Variants in TRMT5 observed in about 807,000 individuals in gnomAD.
TRMT5 encodes the protein tRNA (guanine(37)-N(1))-methyltransferase.
In TRMT5, 31 loss-of-function variants were observed where a neutral mutation model predicts 42.2. The observed-to-expected ratio is 0.73, with a 90% CI of 0.55 to 0.99. The LOEUF (loss-of-function observed/expected upper bound fraction) is 0.99, where lower values mean the gene tolerates loss of function less well. Among genes scored for constraint, TRMT5 ranks in the 50% least tolerant of loss-of-function variants. The pLI is 0.00. For synonymous variants in TRMT5, 198 were observed against 209.6 expected (o/e 0.94, Z 0.48); for missense variants, 568 against 595.0 (o/e 0.95, Z 0.47).
intron 2 of TRMT5, 36 bp downstream of exon 2, chr14:60,979,195 C>T: frequency 6.7e-7 from 1 of 1,501,448 alleles, no homozygotes; most frequent in Non-Finnish European, 8.9e-7. Context: ...TTGCAAATTC[C>T]CTTCAAATAC....
Position 60,981,015 on chromosome 14 carries a change from A to AC in TRMT5, c.-43dup, listed in dbSNP as rs2036966988. On this transcript the variant is annotated 5_prime_UTR_variant, in exon 1 of 5. Transcript: ENST00000261249. ...GCTCTGCAGCTGGATCCGCGAGCCG[A>AC]CCCCTCACCTCCCGCTCCGGTACCG... 6.2e-7 allele frequency: 1 copy of AC among 1,611,026 alleles called. No individual in the cohort carries two copies.
intron 4 of TRMT5, 30 bp from the exon 5 acceptor site, chr14:60,975,224 GTAAGATATTA>G (rs2036827678): frequency 6.4e-7 from 1 of 1,561,672 alleles, no homozygotes; most frequent in Non-Finnish European, 8.7e-7. Context: ...CCTATTTTAG[GTAAGATATTA>G]ACAGTTGAAA....
rs1278368048 is a variant in TRMT5, at chr14:60,971,750, T to C, written c.*3359A>G. 4 of 160,942 alleles carry C rather than the reference T, an allele frequency of 2.5e-5. No individual in the cohort carries two copies. Among genetic ancestry groups the C allele is most frequent in the African/African-American group, 7.2e-5 (3 of 41,510 alleles). The allele number at this position is 160,942 out of a possible 1,614,324, so 10.0% of individuals were successfully genotyped here. On this transcript the variant is annotated 3_prime_UTR_variant, in exon 5 of 5. Coordinates refer to ENST00000261249, the MANE Select transcript of TRMT5 (RefSeq NM_020810.3). ...AGAATTTATCCGAAGATCCATAATC[T>C]AGAAATGGAACCACTGCTCTTTTGA...
At position 60,972,542 on chromosome 14, in the gene TRMT5, G is replaced by A. The variant is rs967488524; in HGVS notation, c.*2567C>T. On this transcript the variant is annotated 3_prime_UTR_variant, in exon 5 of 5. Coordinates refer to ENST00000261249, the MANE Select transcript of TRMT5 (RefSeq NM_020810.3). ...CGCGCGGGCTTTGGTCGGTCCAGGG[G>A]TCGTTCTTGCCTCTTCTCCTTCACA... is the stretch of plus-strand genomic sequence containing the variant. The A allele has an allele frequency of 7.2e-6, 3 of 417,208 alleles. No homozygotes were observed. Among genetic ancestry groups the A allele is most frequent in the Non-Finnish European group, 1.4e-5 (3 of 214,308 alleles). 25.8% of individuals were successfully genotyped at this position (417,208 alleles called of 1,614,324 possible). A position where few individuals can be genotyped will look rare whatever the true frequency, so the allele number is the denominator to read the frequency against.
intron 3 of TRMT5, among the ~76,000 whole-genome samples, chr14:60,976,960 A>C (rs565569606): frequency 2.0e-5 from 3 of 152,302 alleles, no homozygotes; most frequent in African/African-American, 7.2e-5. Flanking sequence ...AAAGTTCATA[A>C]GTTCTATAAA....
chr14:60,980,998 G>A lies in TRMT5; in HGVS notation c.-25C>T, dbSNP rs2036965280. On this transcript the variant is annotated 5_prime_UTR_variant, in exon 1 of 5. Coordinates refer to ENST00000261249, the MANE Select transcript of TRMT5 (RefSeq NM_020810.3). ...TTCCAATTCCCCACGTCGCTCTGCA[G>A]CTGGATCCGCGAGCCGACCCCTCAC... is the stretch of plus-strand genomic sequence containing the variant. 1.2e-6 allele frequency: 2 copies of A among 1,610,438 alleles called. No individual in the cohort carries two copies. Among genetic ancestry groups the A allele is most frequent in the African/African-American group, 1.3e-5 (1 of 75,048 alleles).
chr14:60,981,031 T>C lies in TRMT5; in HGVS notation c.-58A>G. 3 of 1,610,428 alleles carry C rather than the reference T, an allele frequency of 1.9e-6. No individual in the cohort carries two copies. The highest frequency in any genetic ancestry group is 1.7e-6 in the Non-Finnish European group (2 of 1,180,008). On this transcript the variant is annotated 5_prime_UTR_variant, in exon 1 of 5. Coordinates refer to ENST00000261249, the MANE Select transcript of TRMT5 (RefSeq NM_020810.3). ...CGCGAGCCGACCCCTCACCTCCCGC[T>C]CCGGTACCGATCGGATGTGGGTCGC...
intron 2 of TRMT5, 63 bp from the exon 3 acceptor site, chr14:60,977,701 T>A (rs925135889): frequency 6.8e-7 from 1 of 1,464,196 alleles, no homozygotes; most frequent in Admixed American, 2.2e-5. Flanking sequence ...GCTAACATTG[T>A]TAATATGAAA....
chr14:60,978,782 G>T (rs1346692040), intron 2 of TRMT5, among the ~76,000 whole-genome samples: 2 of 152,164 alleles, frequency 1.3e-5, no homozygotes, highest in Non-Finnish European at 2.9e-5. Flanking sequence ...AAAGAAATGT[G>T]TAACAGGACA....
chr14:60,981,394 G>T (rs750685149), upstream of TRMT5: 1 of 1,580,794 alleles, frequency 6.3e-7, no homozygotes, highest in East Asian at 2.3e-5. Context: ...TAAGTGGGCT[G>T]TGTTCGCTTC....
At chr14:60,981,575 C>T (rs1255929663), upstream of TRMT5, 1 of 1,519,832 alleles carries the variant, frequency 6.6e-7, no homozygotes, top group Non-Finnish European at 8.8e-7. Context: ...TGATAGCAGC[C>T]TAGCATACTC....
chr14:60,979,567 G>C lies in TRMT5; in HGVS notation c.331C>G (p.Arg111Gly). The C allele has an allele frequency of 6.2e-7, 1 of 1,614,058 alleles. No individual in the cohort carries two copies. The highest frequency in any genetic ancestry group is 8.5e-7 in the Non-Finnish European group (1 of 1,179,996). The change falls in exon 2 of 5, where the codon CGA becomes GGA. Residue 111 changes from arginine (R) to glycine (G), a missense_variant. Arg to Gly is a moderately radical substitution (Grantham distance 125). Coordinates refer to ENST00000261249, the MANE Select transcript of TRMT5 (RefSeq NM_020810.3). The part of the protein sequence containing the change: ...VRKEIVSKLM[R>G]SLKRAALQRP... Reference sequence around the variant, plus strand: ...TGCAATGCTGCCCTTTTTAGGGATCGCATCAATTTACTGACTATTTCTTTC... The same window carrying C: ...TGCAATGCTGCCCTTTTTAGGGATCCCATCAATTTACTGACTATTTCTTTC...
Position 60,972,184 on chromosome 14 carries a change from G to C in TRMT5, c.*2925C>G. 4.4e-6 allele frequency: 2 copies of C among 450,310 alleles called. No homozygotes were observed. Among genetic ancestry groups the C allele is most frequent in the Non-Finnish European group, 4.3e-6 (1 of 234,032 alleles). 27.9% of individuals were successfully genotyped at this position (450,310 alleles called of 1,614,324 possible). On this transcript the variant is annotated 3_prime_UTR_variant, in exon 5 of 5. Coordinates refer to ENST00000261249, the MANE Select transcript of TRMT5 (RefSeq NM_020810.3). ...AAAATTCTGCATTTTTATAAAACTT[G>C]ATAAAGAATATTTCAAACTGTACAG...
Position 60,981,065 on chromosome 14 carries a change from G to T in TRMT5, c.-92C>A. On this transcript the variant is annotated 5_prime_UTR_variant, in exon 1 of 5. Coordinates refer to ENST00000261249, the MANE Select transcript of TRMT5 (RefSeq NM_020810.3). Reference sequence around the variant, plus strand: ...GATCGGATGTGGGTCGCGGGTGGATGGGCGGGTCTTCTATGACATCATCAC... The same window carrying T: ...GATCGGATGTGGGTCGCGGGTGGATTGGCGGGTCTTCTATGACATCATCAC... 1 of 1,606,528 alleles carries T rather than the reference G, an allele frequency of 6.2e-7. No homozygotes were observed. The highest frequency in any genetic ancestry group is 8.5e-7 in the Non-Finnish European group (1 of 1,179,650).
chr14:60,979,202 A>G (rs2139644510), intron 2 of TRMT5, 29 bp downstream of exon 2: 1 of 1,520,172 alleles, frequency 6.6e-7, no homozygotes, highest in South Asian at 1.3e-5. Flanking sequence ...TTCCCTTCAA[A>G]TACATGAATA....
At position 60,979,668 on chromosome 14, in the gene TRMT5, G is replaced by A. The variant is rs1273799647; in HGVS notation, c.230C>T (p.Ser77Phe). Residue 77 changes from serine to phenylalanine, a missense_variant, in exon 2 of 5, where the codon TCT becomes TTT. Transcript: ENST00000261249. Reference sequence around the variant, plus strand: ...AAGTTTTGTCATGCCTCGGACATCAGAAGGTGGTGAAAACAATTCAGTCTC... The same window carrying A: ...AAGTTTTGTCATGCCTCGGACATCAAAAGGTGGTGAAAACAATTCAGTCTC... ...ERETELFSPP[S>F]DVRGMTKLDR... 1 of 1,613,992 alleles carries A rather than the reference G, an allele frequency of 6.2e-7. No individual in the cohort carries two copies. The highest frequency in any genetic ancestry group is 1.3e-5 in the African/African-American group (1 of 74,910).
rs1344807114 is a variant in TRMT5 at position 60,975,543 on chromosome 14, T to C, written c.1376A>G (p.Lys459Arg). ...CTGAAACGTGATGCACAGCATTTCC[T>C]TGTTTGGGGCCACATTTCTTACCAG... ...VHLVRNVAPNKEMLCITFQIP... is the reference protein window; with the variant it reads ...VHLVRNVAPNREMLCITFQIP... Residue 459 changes from lysine to arginine, a missense_variant, in exon 4 of 5, where the codon AAG becomes AGG. Physicochemically the swap from Lys to Arg is conservative, Grantham distance 26. Coordinates refer to ENST00000261249, the MANE Select transcript of TRMT5 (RefSeq NM_020810.3). 6.2e-7 allele frequency: 1 copy of C among 1,614,230 alleles called. No individual in the cohort carries two copies. The highest frequency in any genetic ancestry group is 8.5e-7 in the Non-Finnish European group (1 of 1,180,020).
upstream of TRMT5, chr14:60,981,410 G>T: frequency 6.4e-7 from 1 of 1,563,260 alleles, no homozygotes; most frequent in East Asian, 2.4e-5. Context: ...GCTTCCCCGC[G>T]CTGACGCCCT....
intron 2 of TRMT5, among the ~76,000 whole-genome samples, chr14:60,978,830 G>A (rs2036880388): frequency 6.6e-6 from 1 of 152,150 alleles, no homozygotes. Flanking sequence ...TCAATTGGTT[G>A]AATCAATGAA....
Sources: gnomAD v4.1 joint callset for allele counts (sites outside exome capture counted in the v4.1 genomes callset) on GRCh38, gnomAD v4.1.1 for gene constraint, MANE v1.5 for transcripts, NCBI Gene and HGNC (gene_info 2026-07-23, HGNC 2026-07-21) for gene names.